Variants in DTNA observed in about 807,000 individuals in gnomAD.
DTNA encodes the protein dystrophin-related protein 3.
DTNA carries 43 observed loss-of-function variants against 100.7 expected under a neutral mutation model. That is an observed-to-expected ratio of 0.43 (90% confidence interval 0.33 to 0.55). The LOEUF (loss-of-function observed/expected upper bound fraction) is 0.55. DTNA is among the 20% of genes least tolerant of loss of function. The pLI, the probability that DTNA is intolerant of heterozygous loss-of-function variation, is 0.04. For synonymous variants in DTNA, 349 were observed against 347.9 expected (o/e 1.00, Z -0.04); for missense variants, 798 against 953.9 (o/e 0.84, Z 2.15).
chr18:34,511,840 G>T (rs1002239620), intron 1 of DTNA, among the ~76,000 whole-genome samples: 1 of 151,994 alleles, frequency 6.6e-6, no homozygotes, highest in Non-Finnish European at 1.5e-5. Context: ...AAATATATTA[G>T]GTGAGTATGC....
chr18:34,565,806 A>G (rs1044177271), intron 1 of DTNA, among the ~76,000 whole-genome samples: 1 of 152,240 alleles, frequency 6.6e-6, no homozygotes, highest in African/African-American at 2.4e-5. Flanking sequence ...ATACTGTAAT[A>G]TCCACAGGTA....
chr18:34,850,680 C>A (rs1475836519), intron 14 of DTNA, among the ~76,000 whole-genome samples: 1 of 152,004 alleles, frequency 6.6e-6, no homozygotes, highest in East Asian at 1.9e-4. Context: ...GTTTTTAAAA[C>A]AATAAAAATT....
At chr18:34,881,450 T>TTTTTTTTTG (rs2096872191) in intron 20 of DTNA, among the ~76,000 whole-genome samples, 1 of 146,380 alleles carries the variant, frequency 6.8e-6, no homozygotes, top group African/African-American at 2.5e-5. Flanking sequence ...TTTTTTTTTT[T>TTTTTTTTTG]TTTTTTTTTT....
chr18:34,695,332 T>A (rs2080375521), intron 1 of DTNA, among the ~76,000 whole-genome samples: 1 of 152,184 alleles, frequency 6.6e-6, no homozygotes, highest in South Asian at 2.1e-4. Context: ...ACCTCCTGAA[T>A]CCACCTTCTC....
intron 21 of DTNA, among the ~76,000 whole-genome samples, chr18:34,883,766 C>A (rs1185732401): frequency 1.3e-5 from 2 of 152,134 alleles, no homozygotes; most frequent in East Asian, 3.9e-4. Context: ...GAAACGGAAG[C>A]CCACCAATTC....
chr18:34,603,233 A>G (rs952647879), intron 1 of DTNA, among the ~76,000 whole-genome samples: 6 of 144,644 alleles, frequency 4.1e-5, no homozygotes, highest in African/African-American at 9.8e-5. Context: ...AAAGGAAAGG[A>G]AAAAAAAATC....
Position 34,889,683 on chromosome 18 carries a change from T to G in DTNA, c.*1949T>G. 1.0e-6 allele frequency: 1 copy of G among 985,878 alleles called. No homozygotes were observed. Among genetic ancestry groups the G allele is most frequent in the Middle Eastern group, 5.2e-4 (1 of 1,914 alleles). 61.1% of individuals were successfully genotyped at this position (985,878 alleles called of 1,614,324 possible). A position where few individuals can be genotyped will look rare whatever the true frequency, so the allele number is the denominator to read the frequency against. On this transcript the variant is annotated 3_prime_UTR_variant, in exon 23 of 23. Coordinates refer to ENST00000444659, the MANE Select transcript of DTNA (RefSeq NM_001386795.1). Reference sequence around the variant, plus strand: ...GCCCTTTGAAACCAAATCACTTGCCTTGGGGATAAAGTGCTCAATTGGCAT... The same window carrying G: ...GCCCTTTGAAACCAAATCACTTGCCGTGGGGATAAAGTGCTCAATTGGCAT...
At chr18:34,648,217 G>A (rs2060069125) in intron 1 of DTNA, among the ~76,000 whole-genome samples, 1 of 152,302 alleles carries the variant, frequency 6.6e-6, no homozygotes, top group Non-Finnish European at 1.5e-5. Context: ...TAAAAAAATA[G>A]GCAAGGGCTG....
intron 1 of DTNA, among the ~76,000 whole-genome samples, chr18:34,522,674 A>G (rs1483963170): frequency 1.3e-5 from 2 of 152,186 alleles, no homozygotes; most frequent in African/African-American, 2.4e-5. Context: ...TATGAGAGCC[A>G]ACAAGTGTGG....
chr18:34,795,830 A>G (rs1454272313), intron 4 of DTNA, among the ~76,000 whole-genome samples: 3 of 152,246 alleles, frequency 2.0e-5, no homozygotes, highest in Non-Finnish European at 4.4e-5. Flanking sequence ...TGTGAGATAT[A>G]TAGGATTCAC....
chr18:34,725,362 A>G (rs760676348), intron 1 of DTNA, among the ~76,000 whole-genome samples: 3 of 152,110 alleles, frequency 2.0e-5, no homozygotes, highest in Admixed American at 6.5e-5. Context: ...CAAAGGGCTA[A>G]TATCTAGAAT....
intron 1 of DTNA, among the ~76,000 whole-genome samples, chr18:34,672,297 C>T (rs1478195974): frequency 6.6e-6 from 1 of 151,124 alleles, no homozygotes; most frequent in Non-Finnish European, 1.5e-5. Context: ...ACCTGAGATA[C>T]TTAGGTTTAG....
At chr18:34,766,505 A>G (rs2093476830) in intron 3 of DTNA, among the ~76,000 whole-genome samples, 3 of 151,696 alleles carry the variant, frequency 2.0e-5, no homozygotes, top group South Asian at 2.1e-4. Flanking sequence ...GGGGAACATC[A>G]CACTCCGGGG....
intron 3 of DTNA, among the ~76,000 whole-genome samples, chr18:34,773,709 T>C (rs2093900859): frequency 6.6e-6 from 1 of 152,176 alleles, no homozygotes; most frequent in South Asian, 2.1e-4. Context: ...AAGATGCCTA[T>C]GTAATAGGAC....
chr18:34,508,754 C>G (rs1217545383), intron 1 of DTNA, among the ~76,000 whole-genome samples: 1 of 152,110 alleles, frequency 6.6e-6, no homozygotes, highest in East Asian at 1.9e-4. Flanking sequence ...TAGTATCCAC[C>G]TCTTCTGATG....
chr18:34,555,339 T>C (rs1158835497), intron 1 of DTNA, among the ~76,000 whole-genome samples: 1 of 149,536 alleles, frequency 6.7e-6, no homozygotes, highest in East Asian at 1.9e-4. Context: ...CCTGGATTCA[T>C]TAATTTTTTG....
intron 1 of DTNA, among the ~76,000 whole-genome samples, chr18:34,543,868 A>G (rs928190648): frequency 5.3e-5 from 8 of 152,116 alleles, no homozygotes; most frequent in Non-Finnish European, 1.0e-4. Context: ...ACATCTGGGA[A>G]CCCATAAAAA....
intron 1 of DTNA, among the ~76,000 whole-genome samples, chr18:34,542,909 A>AT (rs922155760): frequency 5.9e-5 from 9 of 151,296 alleles, no homozygotes; most frequent in South Asian, 4.2e-4. Flanking sequence ...GTATGTCCTC[A>AT]TTTTTTTTTC....
chr18:34,564,920 T>C (rs1233846096), intron 1 of DTNA, among the ~76,000 whole-genome samples: 1 of 152,198 alleles, frequency 6.6e-6, no homozygotes, highest in Non-Finnish European at 1.5e-5. Flanking sequence ...GCAAAGCTTT[T>C]ATGTCTTAAA....
Sources: gnomAD v4.1 joint callset for allele counts (sites outside exome capture counted in the v4.1 genomes callset) on GRCh38, gnomAD v4.1.1 for gene constraint, MANE v1.5 for transcripts, NCBI Gene and HGNC (gene_info 2026-07-23, HGNC 2026-07-21) for gene names.